MACROD2: variants seen among roughly 807,000 people sequenced by gnomAD.
The protein encoded by MACROD2 is mono-ADP ribosylhydrolase 2.
Under a neutral mutation model 70.4 loss-of-function variants are expected in MACROD2, and 36 were observed. The observed-to-expected ratio is 0.51, with a 90% CI of 0.39 to 0.68. The LOEUF (loss-of-function observed/expected upper bound fraction) is 0.68, where lower values mean the gene tolerates loss of function less well. Among genes scored for constraint, MACROD2 ranks in the 30% least tolerant of loss-of-function variants. MACROD2 has a pLI of 0.00. For missense variants in MACROD2, 496 were observed against 538.4 expected (o/e 0.92, Z 0.78); for synonymous variants, 172 against 178.8 (o/e 0.96, Z 0.30).
intron 8 of MACROD2, among the ~76,000 whole-genome samples, chr20:15,683,514 A>T (rs911269543): frequency 6.6e-6 from 1 of 152,226 alleles, no homozygotes; most frequent in Non-Finnish European, 1.5e-5. Context: ...AATTATTCCT[A>T]TCTCAGCATT....
At chr20:15,690,156 A>G (rs1443805738) in intron 8 of MACROD2, among the ~76,000 whole-genome samples, 1 of 152,236 alleles carries the variant, frequency 6.6e-6, no homozygotes, top group Non-Finnish European at 1.5e-5. Context: ...GGATATAATC[A>G]GGGCAGCCAG....
intron 3 of MACROD2, among the ~76,000 whole-genome samples, chr20:14,427,509 T>G (rs926579763): frequency 5.9e-5 from 9 of 151,310 alleles, no homozygotes; most frequent in African/African-American, 1.7e-4. Flanking sequence ...AATATATATG[T>G]ATGATATATA....
At chr20:15,946,165 G>A (rs1246719861) in intron 12 of MACROD2, among the ~76,000 whole-genome samples, 5 of 152,252 alleles carry the variant, frequency 3.3e-5, no homozygotes, top group African/African-American at 1.2e-4. Flanking sequence ...CCCTGCACGT[G>A]CCTTACGCTA....
chr20:14,592,727 G>A (rs2123381691), intron 4 of MACROD2, among the ~76,000 whole-genome samples: 1 of 152,234 alleles, frequency 6.6e-6, no homozygotes, highest in Middle Eastern at 3.4e-3. Flanking sequence ...GTAGCTACAG[G>A]AGGTCCATCT....
chr20:14,760,186 C>G (rs901251347), intron 5 of MACROD2, among the ~76,000 whole-genome samples: 1 of 152,038 alleles, frequency 6.6e-6, no homozygotes, highest in Non-Finnish European at 1.5e-5. Flanking sequence ...TCACACAGGT[C>G]CCCACGTTTC....
At chr20:16,017,176 A>T (rs2066940957) in intron 15 of MACROD2, among the ~76,000 whole-genome samples, 1 of 152,090 alleles carries the variant, frequency 6.6e-6, no homozygotes, top group Non-Finnish European at 1.5e-5. Context: ...TCCTTAATTC[A>T]CTCATGCCTT....
At chr20:14,435,335 T>A (rs1346416846) in intron 3 of MACROD2, among the ~76,000 whole-genome samples, 6 of 152,160 alleles carry the variant, frequency 3.9e-5, no homozygotes, top group Non-Finnish European at 8.8e-5. Context: ...GATGATGTCA[T>A]CTCAGGATCT....
chr20:14,284,237 T>C (rs1235458932), intron 3 of MACROD2, among the ~76,000 whole-genome samples: 1 of 152,222 alleles, frequency 6.6e-6, no homozygotes, highest in Non-Finnish European at 1.5e-5. Context: ...ATTAGAAAAC[T>C]GCAGCTTGAT....
At chr20:14,885,375 A>G (rs542749375) in intron 5 of MACROD2, among the ~76,000 whole-genome samples, 10 of 152,270 alleles carry the variant, frequency 6.6e-5, no homozygotes, top group African/African-American at 2.4e-4. Flanking sequence ...TACCAATTAC[A>G]AAGTCTTCTA....
chr20:15,459,025 C>T (rs943605532), intron 7 of MACROD2, among the ~76,000 whole-genome samples: 2 of 152,008 alleles, frequency 1.3e-5, no homozygotes, highest in African/African-American at 4.8e-5. Flanking sequence ...CCTAGAGCTG[C>T]CAGTGTCTGT....
chr20:14,440,199 T>C (rs2084105982), intron 3 of MACROD2, among the ~76,000 whole-genome samples: 1 of 152,202 alleles, frequency 6.6e-6, no homozygotes, highest in Non-Finnish European at 1.5e-5. Flanking sequence ...ATTCCTACTT[T>C]ATAGGGTCTT....
chr20:15,388,024 G>C (rs1283955114), intron 6 of MACROD2, among the ~76,000 whole-genome samples: 2 of 152,044 alleles, frequency 1.3e-5, no homozygotes, highest in Non-Finnish European at 2.9e-5. Flanking sequence ...GCACAGGGAT[G>C]TTTTAAACTG....
At chr20:15,262,269 A>G (rs1228950197) in intron 6 of MACROD2, among the ~76,000 whole-genome samples, 2 of 151,980 alleles carry the variant, frequency 1.3e-5, no homozygotes, top group Admixed American at 6.6e-5. Flanking sequence ...TTTAATTTTT[A>G]GCTCCCACAA....
chr20:15,224,008 G>A (rs954747632), intron 5 of MACROD2, among the ~76,000 whole-genome samples: 2 of 152,156 alleles, frequency 1.3e-5, no homozygotes, highest in African/African-American at 4.8e-5. Flanking sequence ...CTGCTGTGCA[G>A]TGAGGAAACC....
intron 8 of MACROD2, among the ~76,000 whole-genome samples, chr20:15,754,159 G>A (rs184618956): frequency 9.8e-5 from 15 of 152,294 alleles, no homozygotes; most frequent in African/African-American, 3.6e-4. Flanking sequence ...ATATTTAAAT[G>A]TAAAGTATTA....
chr20:14,407,594 T>A (rs971578227), intron 3 of MACROD2, among the ~76,000 whole-genome samples: 2 of 152,134 alleles, frequency 1.3e-5, no homozygotes, highest in Non-Finnish European at 2.9e-5. Context: ...CCTGTGGGAA[T>A]CATTGTTAAG....
intron 13 of MACROD2, among the ~76,000 whole-genome samples, chr20:15,985,588 G>T (rs566765804): frequency 6.6e-6 from 1 of 152,238 alleles, no homozygotes; most frequent in Non-Finnish European, 1.5e-5. Context: ...CCTGCTATGC[G>T]CTGCTCTGGC....
rs73265030 is a variant in MACROD2 at position 15,316,291 on chromosome 20, C to T, written c.540+86230C>T. Among the ~76,000 whole-genome samples, 728 of 151,970 alleles carry T rather than the reference C, an allele frequency of 4.8e-3. 8 individuals carry two copies. Among genetic ancestry groups the T allele is most frequent in the African/African-American group, 0.016 (682 of 41,488 alleles). ...AGAAATGGTCAGACAGATAAAAACA[C>T]GATTCCAGAGATTACTTTAGATCTA... On this transcript the variant is annotated intron_variant, in intron 6 of 17. Transcript: ENST00000684519.
intron 2 of MACROD2, among the ~76,000 whole-genome samples, chr20:14,003,023 T>G (rs2052755805): frequency 1.3e-5 from 2 of 152,204 alleles, no homozygotes; most frequent in Admixed American, 6.5e-5. Flanking sequence ...ATAATAGATT[T>G]AATGGATGTT....
Sources: allele counts gnomAD v4.1 joint callset (sites outside exome capture counted in the v4.1 genomes callset), GRCh38; gene constraint gnomAD v4.1.1; transcripts MANE v1.5; gene names NCBI Gene and HGNC (gene_info 2026-07-23, HGNC 2026-07-21).